Variants in PPARG observed in about 807,000 individuals in gnomAD.
The protein encoded by PPARG is peroxisome proliferator-activated receptor gamma.
PPARG carries 17 observed loss-of-function variants against 39.2 expected under a neutral mutation model. That is an observed-to-expected ratio of 0.43 (90% CI 0.30 to 0.65). PPARG has a LOEUF of 0.65. Ranked by LOEUF, PPARG falls within the 30% of genes least tolerant of loss-of-function variation. The probability of loss-of-function intolerance (pLI) is 0.13; values close to 1 mark genes in which losing one functional copy is unlikely to be tolerated. For missense variants in PPARG, 406 were observed against 585.9 expected (o/e 0.69, Z 3.17); for synonymous variants, 223 against 215.7 (o/e 1.03, Z -0.30).
chr3:12,354,753 C>CAAA (rs71063823), intron 2 of PPARG, among the ~76,000 whole-genome samples: 7 of 116,226 alleles, frequency 6.0e-5, no homozygotes, highest in Admixed American at 3.5e-4. Context: ...GACTCCATCT[C>CAAA]AAAAAAAAAA....
intron 4 of PPARG, among the ~76,000 whole-genome samples, chr3:12,390,747 T>G (rs1402436344): frequency 1.3e-5 from 2 of 148,204 alleles, no homozygotes; most frequent in African/African-American, 2.5e-5. Context: ...TGGGCTCATG[T>G]GATCCTTCCA....
chr3:12,356,781 G>A (rs2048678750), intron 2 of PPARG, among the ~76,000 whole-genome samples: 2 of 152,018 alleles, frequency 1.3e-5, no homozygotes, highest in Non-Finnish European at 2.9e-5. Flanking sequence ...CACATTCCAG[G>A]CATTGGCCTG....
intron 2 of PPARG, among the ~76,000 whole-genome samples, chr3:12,359,766 C>G (rs1479737838): frequency 2.0e-5 from 3 of 150,686 alleles, no homozygotes; most frequent in Non-Finnish European, 4.4e-5. Context: ...CCTCTGCCCC[C>G]TGGGTTCACA....
At chr3:12,394,804 G>A (rs1471097676) in intron 5 of PPARG, among the ~76,000 whole-genome samples, 2 of 152,210 alleles carry the variant, frequency 1.3e-5, no homozygotes, top group Admixed American at 1.3e-4. Flanking sequence ...AGGAAGTTGA[G>A]TCACTATTTA....
upstream of PPARG, chr3:12,287,591 C>A (rs1461934531): frequency 6.6e-6 from 1 of 152,256 alleles, no homozygotes; most frequent in Non-Finnish European, 1.5e-5. Flanking sequence ...CGGGGGCATC[C>A]CCCTAAACTT....
At chr3:12,314,381 A>G (rs2047332706) in intron 2 of PPARG, among the ~76,000 whole-genome samples, 1 of 152,166 alleles carries the variant, frequency 6.6e-6, no homozygotes, top group Non-Finnish European at 1.5e-5. Context: ...AGTAATTACA[A>G]AAGGAAAAAT....
At chr3:12,363,502 C>G (rs2048920182) in intron 2 of PPARG, among the ~76,000 whole-genome samples, 1 of 149,036 alleles carries the variant, frequency 6.7e-6, no homozygotes, top group African/African-American at 2.5e-5. Flanking sequence ...ACATGGTTTG[C>G]CAGACTAAAC....
intron 2 of PPARG, among the ~76,000 whole-genome samples, chr3:12,335,447 C>G (rs959727934): frequency 6.6e-6 from 1 of 152,144 alleles, no homozygotes; most frequent in African/African-American, 2.4e-5. Context: ...CTTATTTTCT[C>G]TAGCATTTTT....
intron 7 of PPARG, among the ~76,000 whole-genome samples, chr3:12,431,334 C>A (rs925824821): frequency 6.6e-6 from 1 of 151,984 alleles, no homozygotes; most frequent in Admixed American, 6.5e-5. Flanking sequence ...ATGAGAGTAC[C>A]GTTTATCAAA....
intron 6 of PPARG, among the ~76,000 whole-genome samples, chr3:12,410,473 G>A (rs530374472): frequency 6.6e-6 from 1 of 152,344 alleles, no homozygotes; most frequent in South Asian, 2.1e-4. Context: ...AAAAGCGCTT[G>A]ATGTACCTGC....
chr3:12,331,383 G>A (rs2028760), intron 2 of PPARG, among the ~76,000 whole-genome samples: 38,245 of 152,092 alleles, frequency 0.25, 4,936 homozygotes, highest in East Asian at 0.33. Flanking sequence ...TGGAGGAAAT[G>A]AGATGTGAAG....
At chr3:12,332,678 T>C (rs775913251) in intron 2 of PPARG, among the ~76,000 whole-genome samples, 7 of 152,150 alleles carry the variant, frequency 4.6e-5, no homozygotes, top group Non-Finnish European at 7.4e-5. Context: ...ACTCCATATA[T>C]AGGGCAGTGA....
At chr3:12,398,454 A>G (rs149909281) in intron 5 of PPARG, among the ~76,000 whole-genome samples, 1 of 152,342 alleles carries the variant, frequency 6.6e-6, no homozygotes, top group East Asian at 1.9e-4. Context: ...TCAGTTTTAT[A>G]TTGTGTTAGA....
intron 6 of PPARG, among the ~76,000 whole-genome samples, chr3:12,407,453 G>A (rs372076671): frequency 5.3e-5 from 8 of 152,196 alleles, no homozygotes; most frequent in African/African-American, 1.7e-4. Flanking sequence ...GAGCCACCGC[G>A]CCCGGCTTTG....
chr3:12,400,054 G>T (rs4135341), intron 5 of PPARG, among the ~76,000 whole-genome samples: 17,299 of 151,818 alleles, frequency 0.11, 3,214 homozygotes, highest in African/African-American at 0.39. Flanking sequence ...GTTCTTGTTT[G>T]TATGCAACAA....
intron 2 of PPARG, among the ~76,000 whole-genome samples, chr3:12,321,550 C>G (rs977387839): frequency 6.6e-6 from 1 of 152,108 alleles, no homozygotes; most frequent in African/African-American, 2.4e-5. Flanking sequence ...TGTTTTAGTT[C>G]AGGTTTTCCT....
At chr3:12,389,740 A>C (rs1225169200) in intron 4 of PPARG, among the ~76,000 whole-genome samples, 1 of 150,914 alleles carries the variant, frequency 6.6e-6, no homozygotes, top group Non-Finnish European at 1.5e-5. Context: ...AAAATACAAC[A>C]AAAAAAAAGA....
intron 5 of PPARG, among the ~76,000 whole-genome samples, 172 bp downstream of exon 5, chr3:12,392,924 A>G (rs2050131733): frequency 6.6e-6 from 1 of 152,230 alleles, no homozygotes; most frequent in Non-Finnish European, 1.5e-5. Flanking sequence ...TTAAAGTTTT[A>G]TTATAGAACC....
chr3:12,395,048 T>C lies in PPARG; in HGVS notation c.529+2296T>C, dbSNP rs529970339. Among the ~76,000 whole-genome samples the C allele has an allele frequency of 2.6e-5, 4 of 152,318 alleles. No homozygotes were observed. In the East Asian group the frequency reaches 7.7e-4, roughly 29 times the overall value. On this transcript the variant is annotated intron_variant, in intron 5 of 7. Coordinates refer to ENST00000651735, the MANE Select transcript of PPARG (RefSeq NM_138711.6). ...ATGAATGTAGCTTCCCCTTTGGCCA[T>C]GCACTCACAGCTTTGAAGGAGGCTT...
Sources: gnomAD v4.1 joint callset for allele counts (sites outside exome capture counted in the v4.1 genomes callset) on GRCh38, gnomAD v4.1.1 for gene constraint, MANE v1.5 for transcripts, NCBI Gene and HGNC (gene_info 2026-07-23, HGNC 2026-07-21) for gene names.